AGBL4: variants seen among roughly 807,000 people sequenced by gnomAD.
AGBL4 encodes the protein AGBL carboxypeptidase 4, also known as cytosolic carboxypeptidase 6.
Under a neutral mutation model 66.4 loss-of-function variants are expected in AGBL4, and 58 were observed. That is an observed-to-expected ratio of 0.87 (90% CI 0.71 to 1.09). The LOEUF (loss-of-function observed/expected upper bound fraction) is 1.09. Ranked by LOEUF, AGBL4 falls within the 50% of genes least tolerant of loss-of-function variation. AGBL4 has a pLI of 0.00. For missense variants in AGBL4, 579 were observed against 631.0 expected, an observed-to-expected ratio of 0.92 and a Z score of 0.88; for synonymous variants, 234 against 222.9, an observed-to-expected ratio of 1.05 and a Z score of -0.44.
intron 4 of AGBL4, among the ~76,000 whole-genome samples, chr1:49,066,817 C>T (rs1316273931): frequency 6.6e-6 from 1 of 152,152 alleles, no homozygotes; most frequent in Admixed American, 6.5e-5. Flanking sequence ...GAGATGCAGC[C>T]TGGAGAAGAG....
intron 5 of AGBL4, among the ~76,000 whole-genome samples, chr1:48,999,480 C>T (rs757960263): frequency 6.6e-6 from 1 of 152,172 alleles, no homozygotes; most frequent in African/African-American, 2.4e-5. Context: ...AGGACATTCA[C>T]TTAATGAAGG....
chr1:49,185,395 A>G (rs914536938), intron 4 of AGBL4, among the ~76,000 whole-genome samples: 6 of 152,324 alleles, frequency 3.9e-5, no homozygotes, highest in Non-Finnish European at 7.4e-5. Context: ...CTCTGGCTGG[A>G]GGTGATACCA....
At chr1:49,025,281 C>T (rs1051243612) in intron 5 of AGBL4, among the ~76,000 whole-genome samples, 5 of 152,216 alleles carry the variant, frequency 3.3e-5, no homozygotes, top group African/African-American at 1.2e-4. Context: ...CTAAACTTGT[C>T]CCACTAATTC....
intron 1 of AGBL4, among the ~76,000 whole-genome samples, chr1:50,021,753 C>G (rs893225686): frequency 8.5e-5 from 13 of 152,166 alleles, no homozygotes; most frequent in Admixed American, 8.5e-4. Flanking sequence ...TATATCCACT[C>G]TTGTATCCTC....
At chr1:48,820,840 C>T (rs937224532) in intron 6 of AGBL4, among the ~76,000 whole-genome samples, 6 of 152,046 alleles carry the variant, frequency 3.9e-5, no homozygotes, top group Admixed American at 6.6e-5. Flanking sequence ...AAAATATTTG[C>T]GAAATATGTG....
chr1:49,506,071 A>G (rs1040212611), intron 3 of AGBL4, among the ~76,000 whole-genome samples: 5 of 151,948 alleles, frequency 3.3e-5, no homozygotes, highest in African/African-American at 1.2e-4. Context: ...TTGGGATAAT[A>G]TTGTATCTCT....
At chr1:49,245,083 A>G (rs1344180945) in intron 4 of AGBL4, among the ~76,000 whole-genome samples, 1 of 151,762 alleles carries the variant, frequency 6.6e-6, no homozygotes, top group African/African-American at 2.4e-5. Context: ...AAAAATGTGG[A>G]AATAGTAACA....
At chr1:48,789,591 T>C (rs551786102) in intron 6 of AGBL4, among the ~76,000 whole-genome samples, 33 of 152,216 alleles carry the variant, frequency 2.2e-4, no homozygotes, top group Non-Finnish European at 3.5e-4. Context: ...GTGGATATAT[T>C]TGATAGCACT....
At chr1:49,307,507 G>T (rs188072625) in intron 3 of AGBL4, among the ~76,000 whole-genome samples, 16 of 152,240 alleles carry the variant, frequency 1.1e-4, no homozygotes, top group Admixed American at 1.0e-3. Flanking sequence ...GAAGACTAGA[G>T]ATACTGTGAG....
intron 4 of AGBL4, among the ~76,000 whole-genome samples, chr1:49,198,964 A>G (rs1647467429): frequency 6.6e-6 from 1 of 152,218 alleles, no homozygotes; most frequent in South Asian, 2.1e-4. Context: ...AACTCAGTTT[A>G]CATGCACACA....
At chr1:49,683,175 C>T (rs1024731894) in intron 3 of AGBL4, among the ~76,000 whole-genome samples, 1 of 152,062 alleles carries the variant, frequency 6.6e-6, no homozygotes, top group Non-Finnish European at 1.5e-5. Flanking sequence ...GGTTCAGGTA[C>T]AAATTCAGGC....
At chr1:48,615,003 G>A (rs986414481) in intron 9 of AGBL4, among the ~76,000 whole-genome samples, 1 of 152,126 alleles carries the variant, frequency 6.6e-6, no homozygotes, top group Non-Finnish European at 1.5e-5. Context: ...TGGAAGCAAT[G>A]GCATGAACAT....
At chr1:49,017,705 T>G (rs897512751) in intron 5 of AGBL4, among the ~76,000 whole-genome samples, 1 of 152,190 alleles carries the variant, frequency 6.6e-6, no homozygotes, top group Admixed American at 6.5e-5. Flanking sequence ...CTGAGTATAC[T>G]GACTGGCACA....
intron 9 of AGBL4, among the ~76,000 whole-genome samples, chr1:48,613,276 G>A (rs1645268213): frequency 6.6e-6 from 1 of 152,134 alleles, no homozygotes; most frequent in Admixed American, 6.6e-5. Flanking sequence ...TGGTGCAACT[G>A]GAATTTGAAC....
intron 3 of AGBL4, among the ~76,000 whole-genome samples, chr1:49,359,422 T>A (rs182073652): frequency 3.3e-5 from 5 of 152,262 alleles, no homozygotes; most frequent in Non-Finnish European, 5.9e-5. Context: ...ACTCACACAA[T>A]CTCTGACATA....
At chr1:48,684,154 A>G (rs1646495665) in intron 6 of AGBL4, among the ~76,000 whole-genome samples, 1 of 152,224 alleles carries the variant, frequency 6.6e-6, no homozygotes, top group African/African-American at 2.4e-5. Flanking sequence ...CTATGACTAC[A>G]GTTAAAGACT....
intron 4 of AGBL4, among the ~76,000 whole-genome samples, chr1:49,131,677 C>G (rs1645898783): frequency 6.6e-6 from 1 of 151,984 alleles, no homozygotes; most frequent in Admixed American, 6.6e-5. Context: ...ACAAAAGCAG[C>G]AAGTTTTGAA....
chr1:49,687,679 G>A (rs989741893), intron 3 of AGBL4, among the ~76,000 whole-genome samples: 9 of 152,148 alleles, frequency 5.9e-5, no homozygotes, highest in Non-Finnish European at 2.9e-5. Flanking sequence ...GGAGGCTGAT[G>A]CAGGAGGATT....
At chr1:48,688,032 G>A (rs1382945560) in intron 6 of AGBL4, among the ~76,000 whole-genome samples, 3 of 152,172 alleles carry the variant, frequency 2.0e-5, no homozygotes, top group African/African-American at 7.2e-5. Context: ...TTAGAAAGAT[G>A]TAACTGTCAT....
Sources: allele counts gnomAD v4.1 joint callset (sites outside exome capture counted in the v4.1 genomes callset), GRCh38; gene constraint gnomAD v4.1.1; transcripts MANE v1.5; gene names NCBI Gene and HGNC (gene_info 2026-07-23, HGNC 2026-07-21).